The following JMJD1C variants were observed in gnomAD, a reference collection of about 807,000 sequenced individuals.
JMJD1C encodes jumonji domain-containing protein 1C.
Under a neutral mutation model 245.3 loss-of-function variants are expected in JMJD1C, and 31 were observed. That is an observed-to-expected ratio of 0.13 (90% confidence interval 0.09 to 0.17). The LOEUF (loss-of-function observed/expected upper bound fraction) is 0.17. Ranked by LOEUF, JMJD1C falls within the 10% of genes least tolerant of loss-of-function variation. The pLI is 1.00. For synonymous variants in JMJD1C, 1,057 were observed against 1,017.4 expected, an observed-to-expected ratio of 1.04 and a Z score of -0.74; for missense variants, 2,691 against 3,000.2, an observed-to-expected ratio of 0.90 and a Z score of 2.41.
rs146188397 is a variant in JMJD1C at position 63,455,724 on chromosome 10, T to C, written c.168+9771A>G. 7.5e-3 allele frequency among the ~76,000 whole-genome samples: 1,145 copies of C among 152,204 alleles called. 10 individuals are homozygous for C. The highest frequency in any genetic ancestry group is 0.019 in the South Asian group (90 of 4,826). ...TCATTATTAAATAAAACTGATAAAATCAGTGGTGTTCTAATTGAAAGGGGT... is the reference window on the plus strand; with the variant it reads ...TCATTATTAAATAAAACTGATAAAACCAGTGGTGTTCTAATTGAAAGGGGT... On this transcript the variant is annotated intron_variant, in intron 1 of 25. Coordinates refer to ENST00000399262, the MANE Select transcript of JMJD1C (RefSeq NM_032776.3).
chr10:63,260,196 G>A (rs968753026), intron 3 of JMJD1C, among the ~76,000 whole-genome samples: 3 of 152,034 alleles, frequency 2.0e-5, no homozygotes, highest in South Asian at 2.1e-4. Flanking sequence ...AATCTCTAAC[G>A]GTTTTAACTA....
At chr10:63,387,629 ATTTTTTTTTTT>A (rs71025169) in intron 1 of JMJD1C, among the ~76,000 whole-genome samples, 1 of 37,842 alleles carries the variant, frequency 2.6e-5, no homozygotes, top group East Asian at 9.8e-4. Flanking sequence ...GAAAAAAAAA[ATTTTTTTTTTT>A]TTTTTTTTTT....
intron 1 of JMJD1C, among the ~76,000 whole-genome samples, chr10:63,461,576 G>A (rs993649619): frequency 6.6e-6 from 1 of 152,080 alleles, no homozygotes; most frequent in Non-Finnish European, 1.5e-5. Context: ...CAGAAGTTTT[G>A]CAAAATAACA....
chr10:63,355,029 A>G (rs1944714289), intron 2 of JMJD1C, among the ~76,000 whole-genome samples: 1 of 151,856 alleles, frequency 6.6e-6, no homozygotes, highest in South Asian at 2.1e-4. Flanking sequence ...TGTCAGGAAA[A>G]GAATAAACAA....
In JMJD1C at chr10:63,465,504, C is replaced by T. The variant is rs758488215; in HGVS notation, c.159G>A (p.Pro53=). The T allele has an allele frequency of 2.2e-5, 36 of 1,603,106 alleles. No individual in the cohort carries two copies. The highest frequency in any genetic ancestry group is 2.1e-4 in the African/African-American group (16 of 74,808). ...GCGCTGACTCTCTTACCGCCAGGTC[C>T]GGATTGCGGCTGTCCCTGTGTGACA... is the stretch of plus-strand genomic sequence containing the variant. ...RAVSHRDSRN[P]DLAVYVEFDD... The change falls in exon 1 of 26, where the codon CCG becomes CCA. Residue 53 remains proline, a synonymous_variant. Coordinates refer to ENST00000399262, the MANE Select transcript of JMJD1C (RefSeq NM_032776.3).
intron 1 of JMJD1C, among the ~76,000 whole-genome samples, chr10:63,472,809 G>C (rs1953534469): frequency 6.6e-6 from 1 of 151,930 alleles, no homozygotes; most frequent in African/African-American, 2.4e-5. Context: ...TTTTGAGATG[G>C]AGTCTTGCTC....
Position 63,503,922 on chromosome 10 carries a change from C to T in JMJD1C, n.113+17816G>A, listed in dbSNP as rs552366964. Among the ~76,000 whole-genome samples, 102 of 152,274 alleles carry T rather than the reference C, an allele frequency of 6.7e-4. 2 individuals carry two copies. The South Asian group carries it at 0.021, about 32-fold the overall frequency. ...ATCATTTTGATAGATTAAGCAGTATCTCCAACCACCAGGGTCCACATGCTT... is the reference window on the plus strand; with the variant it reads ...ATCATTTTGATAGATTAAGCAGTATTTCCAACCACCAGGGTCCACATGCTT... On this transcript the variant is annotated intron_variant and non_coding_transcript_variant, in intron 1 of 3. Transcript: ENST00000633035.
At chr10:63,249,374 G>A (rs867296931) in intron 3 of JMJD1C, among the ~76,000 whole-genome samples, 6 of 152,272 alleles carry the variant, frequency 3.9e-5, no homozygotes, top group African/African-American at 1.4e-4. Context: ...CAGTAGATTG[G>A]TGGTTACCAG....
At chr10:63,478,912 G>C (rs563683776) in intron 1 of JMJD1C, among the ~76,000 whole-genome samples, 2 of 152,142 alleles carry the variant, frequency 1.3e-5, no homozygotes, top group Non-Finnish European at 2.9e-5. Context: ...GTTACAGCGA[G>C]CTATGGATCC....
intron 1 of JMJD1C, among the ~76,000 whole-genome samples, chr10:63,519,065 T>C (rs1201031974): frequency 1.3e-5 from 2 of 152,196 alleles, no homozygotes; most frequent in Non-Finnish European, 2.9e-5. Flanking sequence ...CAATGACACG[T>C]GTATAGCACA....
chr10:63,308,303 C>T (rs979991148), intron 2 of JMJD1C, among the ~76,000 whole-genome samples: 11 of 152,124 alleles, frequency 7.2e-5, no homozygotes, highest in African/African-American at 2.7e-4. Flanking sequence ...AGGAAAGTAA[C>T]CAGTCTAGGA....
intron 1 of JMJD1C, among the ~76,000 whole-genome samples, chr10:63,506,295 G>C (rs1322715919): frequency 6.6e-6 from 1 of 152,210 alleles, no homozygotes; most frequent in Non-Finnish European, 1.5e-5. Context: ...AGTTTGACCA[G>C]TGAGAAGTTC....
In JMJD1C at chr10:63,465,505, G is replaced by A. The variant is rs781039091; in HGVS notation, c.158C>T (p.Pro53Leu). The A allele has an allele frequency of 1.9e-6, 3 of 1,603,674 alleles. No individual in the cohort carries two copies. The highest frequency in any genetic ancestry group is 2.5e-6 in the Non-Finnish European group (3 of 1,177,504). ...CGCTGACTCTCTTACCGCCAGGTCCGGATTGCGGCTGTCCCTGTGTGACAC... is the reference window on the plus strand; with the variant it reads ...CGCTGACTCTCTTACCGCCAGGTCCAGATTGCGGCTGTCCCTGTGTGACAC... ...RAVSHRDSRNPDLAVYVEFDD... is the reference protein window; with the variant it reads ...RAVSHRDSRNLDLAVYVEFDD... The change falls in exon 1 of 26, where the codon CCG becomes CTG. Residue 53 changes from proline (P) to leucine (L), a missense_variant. Pro to Leu is a moderately conservative substitution (Grantham distance 98). This residue lies in a region of JMJD1C where 135 missense variants were observed against 115.5 expected (regional missense o/e 1.17). Coordinates refer to ENST00000399262, the MANE Select transcript of JMJD1C (RefSeq NM_032776.3).
intron 10 of JMJD1C, chr10:63,204,799 C>G: frequency 1.0e-6 from 1 of 985,458 alleles, no homozygotes; most frequent in Non-Finnish European, 1.2e-6. Context: ...TTCTGACTGT[C>G]CTTTTCTATG....
At chr10:63,418,939 T>C (rs1451705104) in intron 1 of JMJD1C, among the ~76,000 whole-genome samples, 2 of 151,450 alleles carry the variant, frequency 1.3e-5, no homozygotes, top group African/African-American at 2.4e-5. Flanking sequence ...TAGCCAGGCA[T>C]GGTGGCACGC....
intron 2 of JMJD1C, among the ~76,000 whole-genome samples, chr10:63,308,786 T>G (rs1490278773): frequency 7.6e-6 from 1 of 130,820 alleles, no homozygotes; most frequent in African/African-American, 2.8e-5. Flanking sequence ...AAAACTGTCA[T>G]CAAAAAGAAA....
intron 1 of JMJD1C, among the ~76,000 whole-genome samples, chr10:63,423,622 T>C (rs1178074507): frequency 1.3e-5 from 2 of 152,206 alleles, no homozygotes; most frequent in Non-Finnish European, 2.9e-5. Context: ...CATACAAGTA[T>C]CTGTTTGAGT....
chr10:63,361,719 T>TAAAAAAAAAAAAAA lies in JMJD1C; in HGVS notation c.333+18585_333+18598dup, dbSNP rs55879769. Among the ~76,000 whole-genome samples, 4 of 95,540 alleles carry TAAAAAAAAAAAAAA rather than the reference T, an allele frequency of 4.2e-5. 1 individual carries two copies. Among genetic ancestry groups the TAAAAAAAAAAAAAA allele is most frequent in the African/African-American group, 1.8e-4 (4 of 22,624 alleles). The allele number at this position is 95,540 out of a possible 152,430, so 62.7% of individuals were successfully genotyped here. ...GGCAACAGAACAATACTGTCTCAAC[T>TAAAAAAAAAAAAAA]AAAAAAAAAAAAAAAAAAAAAAAAA... On this transcript the variant is annotated intron_variant, in intron 2 of 25. Transcript: ENST00000399262.
intron 2 of JMJD1C, among the ~76,000 whole-genome samples, chr10:63,379,685 C>A (rs902179757): frequency 6.6e-5 from 10 of 152,174 alleles, no homozygotes; most frequent in African/African-American, 2.4e-4. Context: ...AGTTGTTCCA[C>A]GTGGCATACA....
Sources: allele counts gnomAD v4.1 joint callset (sites outside exome capture counted in the v4.1 genomes callset), GRCh38; gene constraint gnomAD v4.1.1; regional missense constraint gnomAD v4.1.1; transcripts MANE v1.5; gene names NCBI Gene and HGNC (gene_info 2026-07-23, HGNC 2026-07-21).